Variants in MYLK observed in about 807,000 individuals in gnomAD.
MYLK encodes myosin light chain kinase.
A neutral mutation model predicts 203.4 loss-of-function variants in MYLK; 106 were observed. That is an observed-to-expected ratio of 0.52 (90% confidence interval 0.45 to 0.61). The LOEUF (loss-of-function observed/expected upper bound fraction) is 0.61, where lower values mean the gene tolerates loss of function less well. Ranked by LOEUF, MYLK falls within the 20% of genes least tolerant of loss-of-function variation. The probability of loss-of-function intolerance (pLI) is 0.00; values close to 1 mark genes in which losing one functional copy is unlikely to be tolerated. For synonymous variants in MYLK, 867 were observed against 959.5 expected, an observed-to-expected ratio of 0.90 and a Z score of 1.78; for missense variants, 2,072 against 2,442.3, an observed-to-expected ratio of 0.85 and a Z score of 3.20.
At position 123,734,231 on chromosome 3, in the gene MYLK, T is replaced by C; in HGVS notation, c.774-9A>G. The C allele has an allele frequency of 1.1e-6, 1 of 937,606 alleles. No homozygotes were observed. The highest frequency in any genetic ancestry group is 1.5e-6 in the Non-Finnish European group (1 of 680,244). 58.1% of individuals were successfully genotyped at this position (937,606 alleles called of 1,614,324 possible). A position where few individuals can be genotyped will look rare whatever the true frequency, so the allele number is the denominator to read the frequency against. ...TTTCTCTCACAAATGACCTGTGTGG[T>C]GGTGAGGGTGGGGGTAGGGTGGGTG... On this transcript the variant is annotated splice_polypyrimidine_tract_variant and intron_variant, in intron 9 of 33. Transcript: ENST00000360304.
chr3:123,719,294 T>G (rs2332591), intron 13 of MYLK, among the ~76,000 whole-genome samples: 1 of 152,004 alleles, frequency 6.6e-6, no homozygotes, highest in African/African-American at 2.4e-5. Flanking sequence ...TGCTGCATGG[T>G]GCCACCTTGT....
chr3:123,765,777 C>T (rs1372070119), intron 4 of MYLK, among the ~76,000 whole-genome samples: 1 of 152,180 alleles, frequency 6.6e-6, no homozygotes, highest in East Asian at 1.9e-4. Context: ...ACATATGCTA[C>T]ACTGGTGAAC....
chr3:123,758,229 A>G (rs571942901), intron 4 of MYLK, among the ~76,000 whole-genome samples: 13 of 152,298 alleles, frequency 8.5e-5, no homozygotes, highest in Admixed American at 3.3e-4. Context: ...TCAGCCCCAT[A>G]AGCAGGCAGG....
intron 30 of MYLK, among the ~76,000 whole-genome samples, chr3:123,628,712 C>A (rs1233043610): frequency 6.6e-6 from 1 of 152,214 alleles, no homozygotes; most frequent in African/African-American, 2.4e-5. Flanking sequence ...TTCAGCCAAC[C>A]TCCCACTCTG....
intron 1 of MYLK, among the ~76,000 whole-genome samples, chr3:123,877,060 C>T (rs1044469841): frequency 1.4e-4 from 22 of 152,192 alleles, no homozygotes; most frequent in African/African-American, 5.1e-4. Context: ...GAACTTAACT[C>T]ATTCCCTGAA....
intron 20 of MYLK, among the ~76,000 whole-genome samples, chr3:123,678,451 C>T (rs2060147389): frequency 6.6e-6 from 1 of 152,084 alleles, no homozygotes; most frequent in Non-Finnish European, 1.5e-5. Context: ...CTTTCTCTCA[C>T]CCCGTCCTTG....
chr3:123,699,871 C>T, intron 18 of MYLK, 149 bp downstream of exon 18: 2 of 1,035,674 alleles, frequency 1.9e-6, no homozygotes, highest in Non-Finnish European at 2.9e-6. Context: ...GGACGCGGCC[C>T]TCCTACCCAG....
At chr3:123,823,006 A>G (rs1432270144) in intron 3 of MYLK, among the ~76,000 whole-genome samples, 1 of 152,190 alleles carries the variant, frequency 6.6e-6, no homozygotes, top group Non-Finnish European at 1.5e-5. Flanking sequence ...AGGTCCACGA[A>G]CACATATGAA....
intron 2 of MYLK, among the ~76,000 whole-genome samples, chr3:123,865,840 C>T (rs942680429): frequency 6.6e-6 from 1 of 152,162 alleles, no homozygotes; most frequent in Non-Finnish European, 1.5e-5. Flanking sequence ...CACTATGTGA[C>T]TTCTGAGGCC....
rs552529654 is a variant in MYLK, at chr3:123,823,985, A to G, written c.-4+7563T>C. Among the ~76,000 whole-genome samples the G allele has an allele frequency of 4.6e-5, 7 of 152,090 alleles. No homozygotes were observed. In the East Asian group the frequency reaches 1.4e-3, roughly 29 times the overall value. On this transcript the variant is annotated intron_variant, in intron 3 of 33. Transcript: ENST00000360304. ...TTATTTTATTGTTTTCTGCTTACAT[A>G]TCACCTCCACAGGGGGGCCTTTCTT...
At chr3:123,833,374 T>A (rs549365195) in intron 2 of MYLK, among the ~76,000 whole-genome samples, 1 of 152,314 alleles carries the variant, frequency 6.6e-6, no homozygotes, top group Admixed American at 6.5e-5. Context: ...GGTGAAGGTT[T>A]AGGGATACCT....
At chr3:123,779,959 A>G (rs1171751240) in intron 4 of MYLK, among the ~76,000 whole-genome samples, 3 of 152,186 alleles carry the variant, frequency 2.0e-5, no homozygotes, top group African/African-American at 7.2e-5. Context: ...ATACAGGGAC[A>G]GTGTCTTGGT....
chr3:123,720,626 A>G (rs1216144333), intron 13 of MYLK, among the ~76,000 whole-genome samples: 1 of 152,220 alleles, frequency 6.6e-6, no homozygotes, highest in African/African-American at 2.4e-5. Context: ...CCTGGCTCCC[A>G]GGGAGTCATG....
intron 11 of MYLK, among the ~76,000 whole-genome samples, chr3:123,731,080 A>T (rs2108778116): frequency 6.6e-6 from 1 of 152,202 alleles, no homozygotes; most frequent in South Asian, 2.1e-4. Context: ...ATACGCCATT[A>T]ATCTGTGGTG....
chr3:123,831,851 AG>A (rs773494439), intron 2 of MYLK, among the ~76,000 whole-genome samples, 181 bp from the exon 3 acceptor site: 2 of 152,208 alleles, frequency 1.3e-5, no homozygotes, highest in Non-Finnish European at 2.9e-5. Flanking sequence ...TTTAGAGTTC[AG>A]GAACAATAGT....
intron 15 of MYLK, among the ~76,000 whole-genome samples, chr3:123,708,262 G>T (rs2061541356): frequency 6.6e-6 from 1 of 152,180 alleles, no homozygotes; most frequent in African/African-American, 2.4e-5. Flanking sequence ...ACGGGGCACC[G>T]AGCCAGGTGC....
chr3:123,864,811 C>T (rs1267130601), intron 2 of MYLK, among the ~76,000 whole-genome samples: 1 of 152,132 alleles, frequency 6.6e-6, no homozygotes, highest in Non-Finnish European at 1.5e-5. Flanking sequence ...AAGCTAAAAG[C>T]AGGAGGATCG....
intron 5 of MYLK, among the ~76,000 whole-genome samples, chr3:123,748,792 C>T (rs998679592): frequency 5.9e-5 from 9 of 152,040 alleles, no homozygotes; most frequent in African/African-American, 1.7e-4. Context: ...TACATAAGGC[C>T]GGGCACGGTG....
chr3:123,723,461 A>G (rs113695387), intron 12 of MYLK, among the ~76,000 whole-genome samples: 3,899 of 152,260 alleles, frequency 0.026, 85 homozygotes, highest in Non-Finnish European at 0.035. Context: ...TTTTGTCACA[A>G]TGGTACCCTC....
Sources: gnomAD v4.1 joint callset for allele counts (sites outside exome capture counted in the v4.1 genomes callset) on GRCh38, gnomAD v4.1.1 for gene constraint, MANE v1.5 for transcripts, NCBI Gene and HGNC (gene_info 2026-07-23, HGNC 2026-07-21) for gene names.